FBXO31: variants seen among roughly 807,000 people sequenced by gnomAD.
FBXO31 encodes F-box only protein 31.
FBXO31 carries 24 observed loss-of-function variants against 54.4 expected under a neutral mutation model. The ratio of observed to expected loss-of-function variants is 0.44; its 90% confidence interval spans 0.32 to 0.62. FBXO31 has a LOEUF of 0.62. FBXO31 is among the 20% of genes least tolerant of loss of function. The pLI is 0.05. For synonymous variants in FBXO31, 388 were observed against 335.6 expected (o/e 1.16, Z -1.71); for missense variants, 665 against 787.1 (o/e 0.84, Z 1.86).
intron 1 of FBXO31, among the ~76,000 whole-genome samples, chr16:87,377,048 G>A (rs912381299): frequency 3.9e-5 from 6 of 152,250 alleles, no homozygotes; most frequent in African/African-American, 1.4e-4. Flanking sequence ...CTGCCACAAT[G>A]AACTCGTGAA....
At chr16:87,382,579 C>A (rs750905111) in intron 1 of FBXO31, among the ~76,000 whole-genome samples, 2 of 152,206 alleles carry the variant, frequency 1.3e-5, no homozygotes, top group African/African-American at 2.4e-5. Context: ...CGTCTCTCTA[C>A]GCCCCCACCA....
At chr16:87,343,112 T>C (rs1391767018) in intron 4 of FBXO31, among the ~76,000 whole-genome samples, 161 bp from the exon 5 acceptor site, 1 of 152,154 alleles carries the variant, frequency 6.6e-6, no homozygotes, top group Non-Finnish European at 1.5e-5. Context: ...CGGAGGGAGC[T>C]GAGTCTCCCT....
chr16:87,369,656 C>A (rs1354836240), intron 1 of FBXO31, among the ~76,000 whole-genome samples: 3 of 152,106 alleles, frequency 2.0e-5, no homozygotes, highest in African/African-American at 4.8e-5. Context: ...ATATCTGAGT[C>A]CCTTCCTTTC....
intron 2 of FBXO31, among the ~76,000 whole-genome samples, chr16:87,355,389 G>A (rs1905847688): frequency 6.6e-6 from 1 of 152,184 alleles, no homozygotes; most frequent in South Asian, 2.1e-4. Context: ...TCTCCATGAA[G>A]ACACACTAAG....
Position 87,331,153 on chromosome 16 carries a change from G to T in FBXO31, c.*135C>A. ...TCTCTACATAAAGTGCTGGGGGGTG[G>T]CTGGACTGGGCCCCCCGACGAGGTG... On this transcript the variant is annotated 3_prime_UTR_variant, in exon 9 of 9. Coordinates refer to ENST00000311635, the MANE Select transcript of FBXO31 (RefSeq NM_024735.5). 1.3e-6 allele frequency: 1 copy of T among 750,910 alleles called. No homozygotes were observed. The highest frequency in any genetic ancestry group is 2.2e-6 in the Non-Finnish European group (1 of 452,954). The allele number at this position is 750,910 out of a possible 1,614,324, so 46.5% of individuals were successfully genotyped here. A position where few individuals can be genotyped will look rare whatever the true frequency, so the allele number is the denominator to read the frequency against.
intron 1 of FBXO31, among the ~76,000 whole-genome samples, chr16:87,364,700 G>A (rs1906279704): frequency 6.6e-6 from 1 of 152,060 alleles, no homozygotes; most frequent in South Asian, 2.1e-4. Flanking sequence ...AAATCCCACC[G>A]CTGATACCAT....
intron 5 of FBXO31, among the ~76,000 whole-genome samples, chr16:87,339,252 G>A (rs1905121029): frequency 6.6e-6 from 1 of 152,240 alleles, no homozygotes; most frequent in African/African-American, 2.4e-5. Flanking sequence ...TTATCAGGAT[G>A]TGTCACCATG....
intron 1 of FBXO31, among the ~76,000 whole-genome samples, chr16:87,374,733 G>T (rs528881587): frequency 3.1e-4 from 47 of 152,352 alleles, no homozygotes; most frequent in South Asian, 2.9e-3. Context: ...TGGCTAGTGT[G>T]CCTCACTCTC....
At chr16:87,344,726 C>T (rs540316281) in intron 3 of FBXO31, among the ~76,000 whole-genome samples, 1 of 152,160 alleles carries the variant, frequency 6.6e-6, no homozygotes, top group African/African-American at 2.4e-5. Context: ...AATCTGCCCA[C>T]CCTGTGAGCT....
chr16:87,347,323 G>T, intron 2 of FBXO31, 73 bp from the exon 3 acceptor site: 2 of 1,298,034 alleles, frequency 1.5e-6, no homozygotes, highest in South Asian at 1.2e-5. Context: ...AACCCCGAGA[G>T]GGAGGAAGGA....
chr16:87,374,910 T>A (rs964730879), intron 1 of FBXO31, among the ~76,000 whole-genome samples: 2 of 152,234 alleles, frequency 1.3e-5, no homozygotes, highest in African/African-American at 2.4e-5. Flanking sequence ...CGACTGGGCG[T>A]AATGGCTCAC....
chr16:87,375,115 A>G (rs1035422889), intron 1 of FBXO31, among the ~76,000 whole-genome samples: 19 of 152,072 alleles, frequency 1.2e-4, no homozygotes, highest in African/African-American at 4.3e-4. Flanking sequence ...TTAGGAGATC[A>G]AGAACACGGT....
chr16:87,360,243 T>C, intron 2 of FBXO31, 52 bp downstream of exon 2: 5 of 1,518,412 alleles, frequency 3.3e-6, no homozygotes, highest in Admixed American at 1.7e-5. Context: ...ATGTGCACTG[T>C]CTGCTTCTGG....
intron 5 of FBXO31, among the ~76,000 whole-genome samples, chr16:87,340,557 T>C (rs999300772): frequency 2.0e-5 from 3 of 152,004 alleles, no homozygotes; most frequent in South Asian, 2.1e-4. Context: ...AAGAGAAAAA[T>C]AAAAGCATGA....
rs1043251117 is a variant in FBXO31, at chr16:87,360,216, T to C, written c.412+79A>G. Reference sequence around the variant, plus strand: ...AAACAAAAGTGTGGACTAAATCACTTTGATTATTTGTCATTGATGTGCACT... The same window carrying C: ...AAACAAAAGTGTGGACTAAATCACTCTGATTATTTGTCATTGATGTGCACT... On this transcript the variant is annotated intron_variant, in intron 2 of 8. Transcript: ENST00000311635. 8.9e-6 allele frequency: 12 copies of C among 1,349,342 alleles called. No homozygotes were observed. The African/African-American group carries it at 1.0e-4, about 11-fold the overall frequency. The allele number at this position is 1,349,342 out of a possible 1,614,324, so 83.6% of individuals were successfully genotyped here.
rs1311082262 is a variant in FBXO31 at position 87,336,523 on chromosome 16, C to A, written c.733-259G>T. Among the ~76,000 whole-genome samples, 1 of 152,184 alleles carries A rather than the reference C, an allele frequency of 6.6e-6. No individual in the cohort carries two copies. The highest frequency in any genetic ancestry group is 1.5e-5 in the Non-Finnish European group (1 of 68,036). On this transcript the variant is annotated intron_variant, in intron 5 of 8. Transcript: ENST00000311635. This position sits in a 1 kb window ranked among gnomAD's most constrained non-coding sequence, Gnocchi z 6.5. ...TCTGCTGGGTCGGAGGCAGCAGGGG[C>A]TACAGGGAGCCCAGGTGAGGCGGGG...
At position 87,345,995 on chromosome 16, in the gene FBXO31, G is replaced by A. The variant is rs1473994384; in HGVS notation, c.489+1179C>T. On this transcript the variant is annotated intron_variant, in intron 3 of 8. Coordinates refer to ENST00000311635, the MANE Select transcript of FBXO31 (RefSeq NM_024735.5). This position sits in a 1 kb window ranked among gnomAD's most constrained non-coding sequence, Gnocchi z 4.9. ...CTGCGGAATCCTGAGTGAGGGGTGG[G>A]AGGTGGAGGAGGGAAGCAGAGTGGC... Among the ~76,000 whole-genome samples the A allele has an allele frequency of 6.6e-6, 1 of 152,266 alleles. No homozygotes were observed. The highest frequency in any genetic ancestry group is 2.4e-5 in the African/African-American group (1 of 41,480).
Position 87,338,610 on chromosome 16 carries a change from C to T in FBXO31, c.733-2346G>A, listed in dbSNP as rs936659665. Among the ~76,000 whole-genome samples, 7 of 152,172 alleles carry T rather than the reference C, an allele frequency of 4.6e-5. No homozygotes were observed. Among genetic ancestry groups the T allele is most frequent in the Non-Finnish European group, 1.0e-4 (7 of 68,032 alleles). On this transcript the variant is annotated intron_variant, in intron 5 of 8. Coordinates refer to ENST00000311635, the MANE Select transcript of FBXO31 (RefSeq NM_024735.5). The surrounding 1 kb of genome is among the most constrained non-coding windows in gnomAD (Gnocchi z 4.3). ...GACCCACGGCTGAGGGAACCCACAA[C>T]CCTGGGAACATCATCAGATCATGCC...
In FBXO31 at chr16:87,349,522, C is replaced by T. The variant is rs948147951; in HGVS notation, c.413-2272G>A. Among the ~76,000 whole-genome samples the T allele has an allele frequency of 2.0e-5, 3 of 152,218 alleles. No individual in the cohort carries two copies. In the East Asian group the frequency reaches 5.8e-4, roughly 29 times the overall value. On this transcript the variant is annotated intron_variant, in intron 2 of 8. Transcript: ENST00000311635. ...ACGAGGAGTTCGAGACCAGCCTGGC[C>T]AACATGGTGAAACCCCGTCTCTACT...
Sources: gnomAD v4.1 joint callset for allele counts (sites outside exome capture counted in the v4.1 genomes callset) on GRCh38, gnomAD v4.1.1 for gene constraint, Gnocchi (gnomAD v3.1) non-coding constraint, MANE v1.5 for transcripts, NCBI Gene and HGNC (gene_info 2026-07-23, HGNC 2026-07-21) for gene names.